TXNDC11: variants seen among roughly 807,000 people sequenced by gnomAD.
The protein encoded by TXNDC11 is thioredoxin domain-containing protein 11.
TXNDC11 carries 68 observed loss-of-function variants against 78.0 expected under a neutral mutation model. The ratio of observed to expected loss-of-function variants is 0.87; its 90% CI spans 0.72 to 1.07. TXNDC11 has a LOEUF of 1.07. TXNDC11 is among the 50% of genes least tolerant of loss of function. The pLI is 0.00. For synonymous variants in TXNDC11, 571 were observed against 495.2 expected (o/e 1.15, Z -2.03); for missense variants, 1,389 against 1,221.8 (o/e 1.14, Z -2.04).
chr16:11,742,739 C>G lies in TXNDC11; in HGVS notation c.-9G>C, dbSNP rs1347496327. 2 of 1,466,084 alleles carry G rather than the reference C, an allele frequency of 1.4e-6. No individual in the cohort carries two copies. The highest frequency in any genetic ancestry group is 1.8e-6 in the Non-Finnish European group (2 of 1,117,714). 90.8% of individuals were successfully genotyped at this position (1,466,084 alleles called of 1,614,324 possible). On this transcript the variant is annotated 5_prime_UTR_variant, in exon 1 of 12. Coordinates refer to ENST00000283033, the MANE Select transcript of TXNDC11 (RefSeq NM_015914.7). ...CCTCCGCATTCCGACATTACATGCT[C>G]CCAGTCGCCGGCTTTATACCGCCGC...
intron 5 of TXNDC11, among the ~76,000 whole-genome samples, chr16:11,721,034 G>A (rs927617365): frequency 6.6e-6 from 1 of 151,606 alleles, no homozygotes; most frequent in African/African-American, 2.4e-5. Context: ...GAGCCACTGC[G>A]CCCAGCCTCA....
intron 11 of TXNDC11, among the ~76,000 whole-genome samples, chr16:11,680,486 A>G: frequency 6.6e-6 from 1 of 152,126 alleles, no homozygotes; most frequent in East Asian, 1.9e-4. Context: ...TAAGGAAGGA[A>G]GGTGACATAG....
Position 11,679,826 on chromosome 16 carries a change from C to T in TXNDC11, c.2246G>A (p.Ser749Asn). 1 of 1,610,610 alleles carries T rather than the reference C, an allele frequency of 6.2e-7. No individual in the cohort carries two copies. The highest frequency in any genetic ancestry group is 8.5e-7 in the Non-Finnish European group (1 of 1,177,358). ...GGGGACGTCTTCGGGGTATTTCACA[C>T]TTAGGTCCTTTCTGGAGAGAGAGGG... ...LFFPCNRKDLSVKYPEDVPIT... is the reference protein window; with the variant it reads ...LFFPCNRKDLNVKYPEDVPIT... Residue 749 changes from serine (S) to asparagine (N), a missense_variant, in exon 12 of 12, where the codon AGT becomes AAT. Ser to Asn is a conservative substitution (Grantham distance 46). Transcript: ENST00000283033. The surrounding 1 kb of genome is among the most constrained non-coding windows in gnomAD (Gnocchi z 4.6).
chr16:11,707,944 C>T (rs1026871640), intron 5 of TXNDC11, among the ~76,000 whole-genome samples: 3 of 151,540 alleles, frequency 2.0e-5, no homozygotes, highest in African/African-American at 4.9e-5. Context: ...ATTCGCTGAG[C>T]GTGATGATGT....
At chr16:11,710,468 C>G (rs980580234) in intron 5 of TXNDC11, among the ~76,000 whole-genome samples, 1 of 152,228 alleles carries the variant, frequency 6.6e-6, no homozygotes, top group African/African-American at 2.4e-5. Flanking sequence ...TAGGGCAAAG[C>G]TCCCTTATTT....
intron 5 of TXNDC11, among the ~76,000 whole-genome samples, chr16:11,715,374 G>A (rs2051498205): frequency 6.6e-6 from 1 of 151,562 alleles, no homozygotes; most frequent in South Asian, 2.1e-4. Flanking sequence ...TACTCAGAAG[G>A]CTGAGGCAGA....
chr16:11,718,719 A>G (rs1363371559), intron 5 of TXNDC11, among the ~76,000 whole-genome samples: 1 of 152,084 alleles, frequency 6.6e-6, no homozygotes, highest in East Asian at 1.9e-4. Context: ...GATTAATTAG[A>G]ATTAATTAAT....
At chr16:11,707,870 G>A (rs891724592) in intron 5 of TXNDC11, among the ~76,000 whole-genome samples, 2 of 152,054 alleles carry the variant, frequency 1.3e-5, no homozygotes, top group Middle Eastern at 3.4e-3. Context: ...ATCACTTGAG[G>A]CCAGGAGGTC....
chr16:11,694,097 C>CTTTTTTTTTTTTT (rs535913245), intron 7 of TXNDC11, among the ~76,000 whole-genome samples: 1 of 85,690 alleles, frequency 1.2e-5, no homozygotes, highest in African/African-American at 4.9e-5. Context: ...TACAGCAATG[C>CTTTTTTTTTTTTT]TTTTTTTTTT....
Position 11,679,722 on chromosome 16 carries a change from G to C in TXNDC11, c.2350C>G (p.Pro784Ala). ...TCGCTCTGAAGACACTCCTTGGTAGGAGAGTTAGCCACATTCTGGGGGCTG... is the reference window on the plus strand; with the variant it reads ...TCGCTCTGAAGACACTCCTTGGTAGCAGAGTTAGCCACATTCTGGGGGCTG... ...ASSPQNVANS[P>A]TKECLQSEAV... Residue 784 changes from proline (P) to alanine (A), a missense_variant, in exon 12 of 12, where the codon CCT becomes GCT. Coordinates refer to ENST00000283033, the MANE Select transcript of TXNDC11 (RefSeq NM_015914.7). This position sits in a 1 kb window ranked among gnomAD's most constrained non-coding sequence, Gnocchi z 4.6. 1 of 1,614,208 alleles carries C rather than the reference G, an allele frequency of 6.2e-7. No homozygotes were observed. The highest frequency in any genetic ancestry group is 8.5e-7 in the Non-Finnish European group (1 of 1,180,038).
chr16:11,694,471 G>C (rs1245489184), intron 7 of TXNDC11, among the ~76,000 whole-genome samples: 1 of 151,614 alleles, frequency 6.6e-6, no homozygotes, highest in Non-Finnish European at 1.5e-5. Flanking sequence ...TTTTGAGACG[G>C]AGTTTTGCTC....
intron 5 of TXNDC11, among the ~76,000 whole-genome samples, chr16:11,718,397 T>C (rs1003959016): frequency 2.0e-5 from 3 of 152,222 alleles, no homozygotes; most frequent in Non-Finnish European, 4.4e-5. Context: ...TCTCTATAAC[T>C]AAATGTTATA....
In TXNDC11 at chr16:11,679,221, T is replaced by A; in HGVS notation, c.2851A>T (p.Arg951Trp). 6.2e-7 allele frequency: 1 copy of A among 1,613,912 alleles called. No individual in the cohort carries two copies. ...ANVSATLVSE[R>W]NKENRTD is the part of the protein sequence containing the mutation. ...TAGTCTGTCCTGTTCTCCTTATTCC[T>A]TTCAGACACCAGTGTGGCGCTGACA... Residue 951 changes from arginine (R) to tryptophan (W), a missense_variant, in exon 12 of 12, where the codon AGG (arginine) becomes TGG (tryptophan). Arg to Trp is a moderately radical substitution (Grantham distance 101, BLOSUM62 -3). Coordinates refer to ENST00000283033, the MANE Select transcript of TXNDC11 (RefSeq NM_015914.7). The surrounding 1 kb of genome is among the most constrained non-coding windows in gnomAD (Gnocchi z 4.6).
intron 4 of TXNDC11, among the ~76,000 whole-genome samples, chr16:11,724,988 G>A (rs1209529392): frequency 6.6e-6 from 1 of 152,064 alleles, no homozygotes; most frequent in Non-Finnish European, 1.5e-5. Flanking sequence ...CTCATGATCT[G>A]CCCGCCTCGG....
At position 11,691,817 on chromosome 16, in the gene TXNDC11, A is replaced by C. The variant is rs777271227; in HGVS notation, c.1373T>G (p.Val458Gly). 1 of 1,614,258 alleles carries C rather than the reference A, an allele frequency of 6.2e-7. No individual in the cohort carries two copies. Among genetic ancestry groups the C allele is most frequent in the Non-Finnish European group, 8.5e-7 (1 of 1,180,044 alleles). The change falls in exon 8 of 12, where the codon GTC becomes GGC. Residue 458 changes from valine (V) to glycine (G), a missense_variant. Val to Gly is a moderately radical substitution (Grantham distance 109). Transcript: ENST00000283033. The stretch of plus-strand genomic sequence containing the variant: ...AAAAAAGCTGCACTGTGGCACGCTG[A>C]CCGAGCTCGGCTTCATGCCCCCGGA... ...QTSGGMKPSSVSVPQCSFFEM... is the reference protein window; with the variant it reads ...QTSGGMKPSSGSVPQCSFFEM...
intron 1 of TXNDC11, 71 bp downstream of exon 1, chr16:11,742,406 G>A (rs2141137752): frequency 1.6e-6 from 2 of 1,224,220 alleles, no homozygotes; most frequent in Admixed American, 4.2e-5. Flanking sequence ...GCTGCGACCC[G>A]GCCCTGCAGG....
chr16:11,714,609 C>T (rs2051472481), intron 5 of TXNDC11, among the ~76,000 whole-genome samples: 1 of 151,566 alleles, frequency 6.6e-6, no homozygotes, highest in African/African-American at 2.4e-5. Flanking sequence ...GGCTGCACTC[C>T]AGCCTGGGCG....
At chr16:11,697,889 C>T (rs947461286) in intron 7 of TXNDC11, among the ~76,000 whole-genome samples, 1 of 152,250 alleles carries the variant, frequency 6.6e-6, no homozygotes, top group Non-Finnish European at 1.5e-5. Flanking sequence ...TTCCCACTCA[C>T]TCCAGACACC....
intron 1 of TXNDC11, 47 bp downstream of exon 1, chr16:11,742,430 A>G (rs964309412): frequency 1.5e-6 from 2 of 1,342,288 alleles, no homozygotes; most frequent in Non-Finnish European, 1.9e-6. Flanking sequence ...CAGGCGGCAG[A>G]GCAAGGGGAG....
Sources: gnomAD v4.1 joint callset for allele counts (sites outside exome capture counted in the v4.1 genomes callset) on GRCh38, gnomAD v4.1.1 for gene constraint, Gnocchi (gnomAD v3.1) non-coding constraint, MANE v1.5 for transcripts, NCBI Gene and HGNC (gene_info 2026-07-23, HGNC 2026-07-21) for gene names.